ADGRA3: variants seen among roughly 807,000 people sequenced by gnomAD.
ADGRA3 encodes G-protein coupled receptor 125.
Under a neutral mutation model 119.8 loss-of-function variants are expected in ADGRA3, and 56 were observed. The ratio of observed to expected loss-of-function variants is 0.47; its 90% CI spans 0.38 to 0.58. The LOEUF (loss-of-function observed/expected upper bound fraction) is 0.58, where lower values mean the gene tolerates loss of function less well. ADGRA3 is among the 20% of genes least tolerant of loss of function. The probability of loss-of-function intolerance (pLI) is 0.00; values close to 1 mark genes in which losing one functional copy is unlikely to be tolerated. For synonymous variants in ADGRA3, 607 were observed against 623.8 expected (o/e 0.97, Z 0.40); for missense variants, 1,516 against 1,649.0 (o/e 0.92, Z 1.40).
At position 22,442,736 on chromosome 4, in the gene ADGRA3, A is replaced by G. The variant is rs367968334; in HGVS notation, c.834T>C (p.Tyr278=). 1.2e-6 allele frequency: 2 copies of G among 1,613,202 alleles called. No individual in the cohort carries two copies. The highest frequency in any genetic ancestry group is 2.7e-5 in the African/African-American group (2 of 74,890). ...CGGTTTCAACTATTCTCCCATCCTG[A>G]TACCACAACACTTGCATGTCCTGAT... ...YIDQDMQVLW[Y]QDGRIVETDE... The change falls in exon 7 of 19, where the codon TAT becomes TAC. Residue 278 remains tyrosine, a synonymous_variant. Transcript: ENST00000334304.
chr4:22,490,072 T>C (rs1043267264), intron 1 of ADGRA3, among the ~76,000 whole-genome samples: 26 of 152,200 alleles, frequency 1.7e-4, no homozygotes, highest in African/African-American at 5.8e-4. Flanking sequence ...GGAGGCCTGA[T>C]TTTTTTTCTA....
intron 1 of ADGRA3, among the ~76,000 whole-genome samples, chr4:22,490,893 G>C (rs930285683): frequency 6.6e-6 from 1 of 152,118 alleles, no homozygotes; most frequent in Non-Finnish European, 1.5e-5. Flanking sequence ...TCTGTAGGTC[G>C]GAAGTCCAGG....
At chr4:22,414,843 T>C (rs971116388) in intron 12 of ADGRA3, among the ~76,000 whole-genome samples, 1 of 152,198 alleles carries the variant, frequency 6.6e-6, no homozygotes, top group African/African-American at 2.4e-5. Context: ...CCAGCATCTC[T>C]ACCTGAAATG....
intron 1 of ADGRA3, among the ~76,000 whole-genome samples, chr4:22,497,173 G>A (rs1284204819): frequency 6.6e-6 from 1 of 152,178 alleles, no homozygotes; most frequent in African/African-American, 2.4e-5. Flanking sequence ...AAAGGATTCT[G>A]TAATAAATAT....
intron 1 of ADGRA3, among the ~76,000 whole-genome samples, chr4:22,495,434 T>A (rs1718783016): frequency 6.6e-6 from 1 of 152,008 alleles, no homozygotes; most frequent in Non-Finnish European, 1.5e-5. Context: ...GAACTATTTA[T>A]TTCTGGAATT....
chr4:22,424,261 C>T lies in ADGRA3; in HGVS notation c.1535G>A (p.Ser512Asn). Residue 512 changes from serine to asparagine, a missense_variant, in exon 11 of 19, where the codon AGT becomes AAT. Physicochemically the swap from Ser to Asn is conservative, Grantham distance 46. This residue lies in a region of ADGRA3 where 1,088 missense variants were observed against 1,107.1 expected (regional missense o/e 0.98). Coordinates refer to ENST00000334304, the MANE Select transcript of ADGRA3 (RefSeq NM_145290.4). ...GCGCTGAAGACACTGCACAATCCTA[C>T]TGCAGGCTTTAGCTTCCCTCTGCGC... ...WLAQREAKACSRIVQCLQRIA... is the reference protein window; with the variant it reads ...WLAQREAKACNRIVQCLQRIA... 6.2e-7 allele frequency: 1 copy of T among 1,613,732 alleles called. No individual in the cohort carries two copies. Among genetic ancestry groups the T allele is most frequent in the South Asian group, 1.1e-5 (1 of 91,056 alleles).
intron 1 of ADGRA3, among the ~76,000 whole-genome samples, chr4:22,479,269 C>T (rs1218492213): frequency 6.6e-6 from 1 of 152,106 alleles, no homozygotes; most frequent in Admixed American, 6.5e-5. Flanking sequence ...GAAGACCATC[C>T]TGGCTAACAC....
intron 16 of ADGRA3, chr4:22,397,951 C>T: frequency 2.7e-6 from 1 of 366,988 alleles, no homozygotes; most frequent in Non-Finnish European, 3.8e-6. Flanking sequence ...CTGGGGGATA[C>T]AGGAACAGAA....
rs867956456 is a variant in ADGRA3, at chr4:22,388,029, G to A, written c.3642C>T (p.Asn1214=). 5.6e-6 allele frequency: 9 copies of A among 1,613,960 alleles called. No individual in the cohort carries two copies. The African/African-American group carries it at 8.0e-5, about 14-fold the overall frequency. ...NGLPKSRLGN[N]EGHSRSRRAY... is the part of the protein sequence containing the mutation. ...CTCTTCGGCTCCTCGAGTGTCCTTC[G>A]TTATTGCCCAGCCGGCTTTTAGGTA... The change falls in exon 19 of 19, where the codon AAC becomes AAT. Residue 1214 remains asparagine, a synonymous_variant. Transcript: ENST00000334304.
chr4:22,458,614 C>T (rs980587706), intron 3 of ADGRA3, among the ~76,000 whole-genome samples: 4 of 152,140 alleles, frequency 2.6e-5, no homozygotes, highest in African/African-American at 9.7e-5. Context: ...TGAACTGACA[C>T]CGATCACCAC....
chr4:22,392,446 T>C, intron 17 of ADGRA3, 99 bp downstream of exon 17: 1 of 1,447,422 alleles, frequency 6.9e-7, no homozygotes, highest in Non-Finnish European at 9.5e-7. Flanking sequence ...AAGTCCGTTC[T>C]TTTACTTCCC....
chr4:22,435,639 G>A lies in ADGRA3; in HGVS notation c.1288-173C>T, dbSNP rs375434223. 2.6e-5 allele frequency among the ~76,000 whole-genome samples: 4 copies of A among 152,166 alleles called. No individual in the cohort carries two copies. The South Asian group carries it at 8.3e-4, about 32-fold the overall frequency. ...AACCCAAGAAAACTGGAATTTTAAT[G>A]GAAACTCACTGGAGGGAAATTTTTT... On this transcript the variant is annotated intron_variant, in intron 9 of 18. Transcript: ENST00000334304.
intron 6 of ADGRA3, 27 bp from the exon 7 acceptor site, chr4:22,442,890 T>C: frequency 6.7e-7 from 1 of 1,493,280 alleles, no homozygotes; most frequent in Non-Finnish European, 9.3e-7. Context: ...AAAGATTCAG[T>C]AAACAAATAT....
chr4:22,463,251 A>G (rs1717536494), intron 2 of ADGRA3, among the ~76,000 whole-genome samples: 1 of 152,222 alleles, frequency 6.6e-6, no homozygotes. Flanking sequence ...CATTGGTGAA[A>G]CCAAACAGAC....
intron 1 of ADGRA3, 41 bp from the exon 2 acceptor site, chr4:22,473,884 C>T (rs1447892775): frequency 8.6e-7 from 1 of 1,167,424 alleles, no homozygotes; most frequent in African/African-American, 1.5e-5. Flanking sequence ...CTAATATACA[C>T]TACCAATATC....
At chr4:22,451,187 G>C (rs1269118304) in intron 4 of ADGRA3, among the ~76,000 whole-genome samples, 1 of 151,798 alleles carries the variant, frequency 6.6e-6, no homozygotes, top group Non-Finnish European at 1.5e-5. Context: ...GTAAAGGGAA[G>C]TTCTTATAAA....
intron 10 of ADGRA3, among the ~76,000 whole-genome samples, chr4:22,429,721 C>T (rs577446188): frequency 2.7e-4 from 41 of 152,158 alleles, no homozygotes; most frequent in Non-Finnish European, 4.4e-4. Flanking sequence ...ATACTACTTT[C>T]GTGTTCTTAA....
intron 3 of ADGRA3, among the ~76,000 whole-genome samples, chr4:22,459,986 T>C (rs1264628182): frequency 6.6e-6 from 1 of 152,166 alleles, no homozygotes; most frequent in African/African-American, 2.4e-5. Context: ...CAATATTCTT[T>C]TCCCTCTTTC....
chr4:22,435,525 A>C, intron 9 of ADGRA3, 59 bp from the exon 10 acceptor site: 2 of 1,384,072 alleles, frequency 1.4e-6, no homozygotes, highest in Non-Finnish European at 2.0e-6. Flanking sequence ...GATCAACACA[A>C]TCCTGACATT....
Sources: allele counts gnomAD v4.1 joint callset (sites outside exome capture counted in the v4.1 genomes callset), GRCh38; gene constraint gnomAD v4.1.1; regional missense constraint gnomAD v4.1.1; transcripts MANE v1.5; gene names NCBI Gene and HGNC (gene_info 2026-07-23, HGNC 2026-07-21).